Variants in GRM2 observed in about 807,000 individuals in gnomAD.
The protein encoded by GRM2 is metabotropic glutamate receptor 2.
Under a neutral mutation model 60.4 loss-of-function variants are expected in GRM2, and 35 were observed. The observed-to-expected ratio is 0.58, with a 90% CI of 0.44 to 0.77. The LOEUF (loss-of-function observed/expected upper bound fraction) is 0.77, where lower values mean the gene tolerates loss of function less well. Among genes scored for constraint, GRM2 ranks in the 30% least tolerant of loss-of-function variants. The pLI is 0.00. For missense variants in GRM2, 925 were observed against 1,199.5 expected, an observed-to-expected ratio of 0.77 and a Z score of 3.38; for synonymous variants, 437 against 484.1, an observed-to-expected ratio of 0.90 and a Z score of 1.28.
chr3:51,715,085 C>A lies in GRM2; in HGVS notation c.1312C>A (p.His438Asn). 1 of 1,563,726 alleles carries A rather than the reference C, an allele frequency of 6.4e-7. No homozygotes were observed. The highest frequency in any genetic ancestry group is 8.7e-7 in the Non-Finnish European group (1 of 1,150,750). ...FDAPFRPADT[H>N]NEVRFDRFGD... ...AGCCCCCTTTCGCCCAGCTGACACC[C>A]ACAATGAGGTCCGCTTTGACCGCTT... is the stretch of plus-strand genomic sequence containing the variant. The change falls in exon 4 of 6, where the codon CAC becomes AAC. Residue 438 changes from histidine (H) to asparagine (N), a missense_variant. Physicochemically the swap from His to Asn is moderately conservative, Grantham distance 68. Coordinates refer to ENST00000395052, the MANE Select transcript of GRM2 (RefSeq NM_000839.5). This position sits in a 1 kb window ranked among gnomAD's most constrained non-coding sequence, Gnocchi z 9.0.
chr3:51,707,668 T>C (rs1703557681), intron 1 of GRM2: 1 of 152,990 alleles, frequency 6.5e-6, no homozygotes, highest in Non-Finnish European at 1.5e-5. Flanking sequence ...AGCTGCTGCT[T>C]TCCTGATCCC....
Position 51,715,390 on chromosome 3 carries a change from T to C in GRM2, c.1617T>C (p.Asp539=), listed in dbSNP as rs773057151. The C allele has an allele frequency of 9.3e-6, 15 of 1,613,534 alleles. No individual in the cohort carries two copies. Among genetic ancestry groups the C allele is most frequent in the Middle Eastern group, 1.6e-4 (1 of 6,084 alleles). Reference sequence around the variant, plus strand: ...GATTGGACGAATTCACTTGCGCTGATTGTGGCCTGGGCTACTGGCCCAATG... The same window carrying C: ...GATTGGACGAATTCACTTGCGCTGACTGTGGCCTGGGCTACTGGCCCAATG... The part of the protein sequence containing the change: ...EYRLDEFTCA[D]CGLGYWPNAS... The change falls in exon 4 of 6, where the codon GAT becomes GAC. Residue 539 remains aspartate, a synonymous_variant. Coordinates refer to ENST00000395052, the MANE Select transcript of GRM2 (RefSeq NM_000839.5). The surrounding 1 kb of genome is among the most constrained non-coding windows in gnomAD (Gnocchi z 9.0).
In GRM2 at chr3:51,709,157, C is replaced by A; in HGVS notation, c.174C>A (p.Gly58=). 6.2e-7 allele frequency: 1 copy of A among 1,612,446 alleles called. No homozygotes were observed. Residue 58 remains glycine (G), a synonymous_variant, in exon 2 of 6, where the codon GGC becomes GGA. Transcript: ENST00000395052. The part of the protein sequence containing the change: ...EDCGPVNEHR[G]IQRLEAMLFA... The stretch of plus-strand genomic sequence containing the variant: ...GTGGTCCTGTCAATGAGCACCGTGG[C>A]ATCCAGCGCCTGGAGGCCATGCTTT...
At position 51,718,058 on chromosome 3, in the gene GRM2, C is replaced by G. The variant is rs768151639; in HGVS notation, c.2565C>G (p.Val855=). ...TCTTAGGGTCTGGCTCCCAGTTTGTCCCCACTGTTTGCAATGGCCGTGAGG... is the reference window on the plus strand; with the variant it reads ...TCTTAGGGTCTGGCTCCCAGTTTGTGCCCACTGTTTGCAATGGCCGTGAGG... ...SLGQGSGSQF[V]PTVCNGREVV... The change falls in exon 6 of 6, where the codon GTC becomes GTG. Residue 855 remains valine, a synonymous_variant. Coordinates refer to ENST00000395052, the MANE Select transcript of GRM2 (RefSeq NM_000839.5). The surrounding 1 kb of genome is among the most constrained non-coding windows in gnomAD (Gnocchi z 4.2). 1 of 1,614,002 alleles carries G rather than the reference C, an allele frequency of 6.2e-7. No homozygotes were observed. Among genetic ancestry groups the G allele is most frequent in the African/African-American group, 1.3e-5 (1 of 74,926 alleles).
At chr3:51,707,786 A>T (rs1052390603) in intron 1 of GRM2, 1 of 152,416 alleles carries the variant, frequency 6.6e-6, no homozygotes, top group East Asian at 1.9e-4. Flanking sequence ...GCCCTTCTTC[A>T]AACTCAGTTT....
Position 51,715,119 on chromosome 3 carries a change from G to A in GRM2, c.1346G>A (p.Gly449Asp). 1.2e-6 allele frequency: 2 copies of A among 1,606,002 alleles called. No homozygotes were observed. Among genetic ancestry groups the A allele is most frequent in the Non-Finnish European group, 1.7e-6 (2 of 1,175,500 alleles). The part of the protein sequence containing the change: ...NEVRFDRFGD[G>D]IGRYNIFTYL... ...GTCCGCTTTGACCGCTTTGGTGATG[G>A]TATTGGCCGCTACAACATCTTCACC... Residue 449 changes from glycine to aspartate, a missense_variant, in exon 4 of 6, where the codon GGT becomes GAT. Transcript: ENST00000395052. This position sits in a 1 kb window ranked among gnomAD's most constrained non-coding sequence, Gnocchi z 9.0.
At chr3:51,709,987 C>CT (rs1163025951) in intron 2 of GRM2, among the ~76,000 whole-genome samples, 5,631 of 142,676 alleles carry the variant, frequency 0.039, 367 homozygotes, top group African/African-American at 0.13. Flanking sequence ...ATTCACAACA[C>CT]TTTTTTTTTT....
Position 51,712,993 on chromosome 3 carries a change from T to C in GRM2, c.971T>C (p.Ile324Thr). The C allele has an allele frequency of 6.2e-7, 1 of 1,613,300 alleles. No individual in the cohort carries two copies. Among genetic ancestry groups the C allele is most frequent in the Non-Finnish European group, 8.5e-7 (1 of 1,180,028 alleles). The part of the protein sequence containing the change: ...AITIELASYP[I>T]SDFASYFQSL... ...ACCATCGAGCTGGCCTCCTACCCCA[T>C]CAGTGACTTTGCCTCCTACTTCCAG... Residue 324 changes from isoleucine (I) to threonine (T), a missense_variant, in exon 3 of 6, where the codon ATC becomes ACC. Physicochemically the swap from Ile to Thr is moderately conservative, Grantham distance 89. Coordinates refer to ENST00000395052, the MANE Select transcript of GRM2 (RefSeq NM_000839.5). The surrounding 1 kb of genome is among the most constrained non-coding windows in gnomAD (Gnocchi z 5.3).
Position 51,713,425 on chromosome 3 carries a change from A to C in GRM2, c.1288+115A>C, listed in dbSNP as rs1362713287. 2.6e-6 allele frequency: 2 copies of C among 767,780 alleles called. No individual in the cohort carries two copies. Among genetic ancestry groups the C allele is most frequent in the Non-Finnish European group, 4.2e-6 (2 of 476,336 alleles). The allele number at this position is 767,780 out of a possible 1,614,324, so 47.6% of individuals were successfully genotyped here. On this transcript the variant is annotated intron_variant, in intron 3 of 5. Coordinates refer to ENST00000395052, the MANE Select transcript of GRM2 (RefSeq NM_000839.5). The surrounding 1 kb of genome is among the most constrained non-coding windows in gnomAD (Gnocchi z 4.8). The stretch of plus-strand genomic sequence containing the variant: ...ACAGTAGAGTGAAAGTAAAGGACTC[A>C]CCTGGGGTGGCGTCAGAGCAAGGGC...
In GRM2 at chr3:51,715,886, A is replaced by G; in HGVS notation, c.2113A>G (p.Thr705Ala). The change falls in exon 4 of 6, where the codon ACA becomes GCA. Residue 705 changes from threonine (T) to alanine (A), a missense_variant. By Grantham distance (58) the Thr-to-Ala change is moderately conservative (BLOSUM62 0). Transcript: ENST00000395052. The surrounding 1 kb of genome is among the most constrained non-coding windows in gnomAD (Gnocchi z 9.0). ...CTGGCTGGTGGTGGAGGCACCGGGC[A>G]CAGGCAAGGAGACAGCCCCCGAACG... The part of the protein sequence containing the change: ...VAWLVVEAPG[T>A]GKETAPERRE... 6.2e-7 allele frequency: 1 copy of G among 1,613,430 alleles called. No individual in the cohort carries two copies. Among genetic ancestry groups the G allele is most frequent in the Non-Finnish European group, 8.5e-7 (1 of 1,179,914 alleles).
chr3:51,712,756 T>C lies in GRM2; in HGVS notation c.734T>C (p.Met245Thr), dbSNP rs1263961713. 1 of 1,613,440 alleles carries C rather than the reference T, an allele frequency of 6.2e-7. No homozygotes were observed. Among genetic ancestry groups the C allele is most frequent in the South Asian group, 1.1e-5 (1 of 91,082 alleles). Residue 245 changes from methionine to threonine, a missense_variant, in exon 3 of 6, where the codon ATG becomes ACG. Physicochemically the swap from Met to Thr is moderately conservative, Grantham distance 81. Transcript: ENST00000395052. The surrounding 1 kb of genome is among the most constrained non-coding windows in gnomAD (Gnocchi z 5.3). The stretch of plus-strand genomic sequence containing the variant: ...ACCTCGGAGAAAGTGGGCCGTGCCA[T>C]GAGCCGCGCGGCCTTTGAGGGTGTG... Reference protein sequence around the residue: ...VATSEKVGRAMSRAAFEGVVR... With the variant: ...VATSEKVGRATSRAAFEGVVR...
At chr3:51,708,632 A>G (rs1300093638) in intron 1 of GRM2, 4 of 209,472 alleles carry the variant, frequency 1.9e-5, no homozygotes, top group Admixed American at 1.1e-4. Context: ...TGGTAGGGGA[A>G]TATGGCCCAT....
rs780310633 is a variant in GRM2, at chr3:51,716,336, G to C, written c.2364+199G>C. ...AAATGGCCAGGGAGGTGGGGAACTC[G>C]AGTTAGAGAGAGCTGAGATTTCAGG... is the stretch of plus-strand genomic sequence containing the variant. On this transcript the variant is annotated intron_variant, in intron 4 of 5. Coordinates refer to ENST00000395052, the MANE Select transcript of GRM2 (RefSeq NM_000839.5). This position sits in a 1 kb window ranked among gnomAD's most constrained non-coding sequence, Gnocchi z 4.0. Among the ~76,000 whole-genome samples the C allele has an allele frequency of 1.3e-5, 2 of 152,184 alleles. No individual in the cohort carries two copies. Among genetic ancestry groups the C allele is most frequent in the South Asian group, 4.1e-4 (2 of 4,826 alleles).
Position 51,712,825 on chromosome 3 carries a change from T to C in GRM2, c.803T>C (p.Leu268Pro). The C allele has an allele frequency of 6.2e-7, 1 of 1,612,986 alleles. No homozygotes were observed. Among genetic ancestry groups the C allele is most frequent in the Non-Finnish European group, 8.5e-7 (1 of 1,180,042 alleles). ...LQKPSARVAV[L>P]FTRSEDAREL... ...AAGCCCAGTGCCCGCGTGGCTGTCC[T>C]GTTCACCCGTTCTGAGGATGCCCGG... Residue 268 changes from leucine to proline, a missense_variant, in exon 3 of 6, where the codon CTG (leucine) becomes CCG (proline). Coordinates refer to ENST00000395052, the MANE Select transcript of GRM2 (RefSeq NM_000839.5). The surrounding 1 kb of genome is among the most constrained non-coding windows in gnomAD (Gnocchi z 5.3).
intron 2 of GRM2, among the ~76,000 whole-genome samples, chr3:51,709,670 A>ACACACACACACACCCT: frequency 1.8e-4 from 1 of 5,464 alleles, no homozygotes; most frequent in Non-Finnish European, 6.3e-4. Flanking sequence ...ACACACCCTC[A>ACACACACACACACCCT]CACACACACA....
Position 51,709,137 on chromosome 3 carries a change from C to T in GRM2, c.154C>T (p.Pro52Ser), listed in dbSNP as rs1362945908. Residue 52 changes from proline to serine, a missense_variant, in exon 2 of 6, where the codon CCT becomes TCT. Transcript: ENST00000395052. ...QKGGPAEDCG[P>S]VNEHRGIQRL... ...GGGCGGCCCAGCAGAGGACTGTGGT[C>T]CTGTCAATGAGCACCGTGGCATCCA... The T allele has an allele frequency of 6.2e-7, 1 of 1,612,400 alleles. No homozygotes were observed. The highest frequency in any genetic ancestry group is 1.3e-5 in the African/African-American group (1 of 74,916).
Position 51,717,828 on chromosome 3 carries a change from T to A in GRM2, c.2545+11T>A. 1 of 1,611,914 alleles carries A rather than the reference T, an allele frequency of 6.2e-7. No homozygotes were observed. Among genetic ancestry groups the A allele is most frequent in the Non-Finnish European group, 8.5e-7 (1 of 1,178,440 alleles). ...CCAGCCTTGGCCAAGGTCAGTGTCC[T>A]AAGCAGCCCTCTCTGCCTGTTCCCC... On this transcript the variant is annotated intron_variant, in intron 5 of 5. Transcript: ENST00000395052. The surrounding 1 kb of genome is among the most constrained non-coding windows in gnomAD (Gnocchi z 6.0).
In GRM2 at chr3:51,715,008, ACAT is replaced by A; in HGVS notation, c.1289-51_1289-49del. 1 of 1,110,720 alleles carries A rather than the reference ACAT, an allele frequency of 9.0e-7. No individual in the cohort carries two copies. Among genetic ancestry groups the A allele is most frequent in the Non-Finnish European group, 1.3e-6 (1 of 764,698 alleles). 68.8% of individuals were successfully genotyped at this position (1,110,720 alleles called of 1,614,324 possible). A position where few individuals can be genotyped will look rare whatever the true frequency, so the allele number is the denominator to read the frequency against. On this transcript the variant is annotated intron_variant, in intron 3 of 5. Coordinates refer to ENST00000395052, the MANE Select transcript of GRM2 (RefSeq NM_000839.5). The surrounding 1 kb of genome is among the most constrained non-coding windows in gnomAD (Gnocchi z 9.0). ...CCATGTTAGGGTGAATGTTGAGGTC[ACAT>A]CAGGGTAACACACTAGTCCAACCTT...
Position 51,713,720 on chromosome 3 carries a change from T to G in GRM2, c.1288+410T>G. 1 of 256,818 alleles carries G rather than the reference T, an allele frequency of 3.9e-6. No individual in the cohort carries two copies. Among genetic ancestry groups the G allele is most frequent in the Non-Finnish European group, 7.6e-6 (1 of 131,730 alleles). The allele number at this position is 256,818 out of a possible 1,614,324, so 15.9% of individuals were successfully genotyped here. A position where few individuals can be genotyped will look rare whatever the true frequency, so the allele number is the denominator to read the frequency against. ...TATATTCACGGAAAATGTCTTTCTG[T>G]CTTTCTTTTTTCTTTTCTTTCTTTT... On this transcript the variant is annotated intron_variant, in intron 3 of 5. Transcript: ENST00000395052. The surrounding 1 kb of genome is among the most constrained non-coding windows in gnomAD (Gnocchi z 4.8).
Sources: gnomAD v4.1 joint callset for allele counts (sites outside exome capture counted in the v4.1 genomes callset) on GRCh38, gnomAD v4.1.1 for gene constraint, Gnocchi (gnomAD v3.1) non-coding constraint, MANE v1.5 for transcripts, NCBI Gene and HGNC (gene_info 2026-07-23, HGNC 2026-07-21) for gene names.